Variants in ZNF475 observed in about 807,000 individuals in gnomAD.
ZNF475 encodes zinc finger protein 475.
At chr5:122,165,255 G>T in the ZNF475 span, among the ~76,000 whole-genome samples, 1 of 152,354 alleles carries the variant, frequency 6.6e-6, no homozygotes. Context: ...CAATGGAAAT[G>T]CAGTATCAAA....
At chr5:122,178,530 C>T in the ZNF475 span, among the ~76,000 whole-genome samples, 1 of 152,174 alleles carries the variant, frequency 6.6e-6, no homozygotes, top group Admixed American at 6.5e-5. Context: ...GCATAAATGT[C>T]TTCTTTTGAG....
At chr5:122,174,325 C>T in the ZNF475 span, among the ~76,000 whole-genome samples, 6 of 152,192 alleles carry the variant, frequency 3.9e-5, no homozygotes, top group Admixed American at 3.9e-4. Flanking sequence ...TTGGAGATTG[C>T]TCAGCTTTCC....
chr5:122,167,595 T>C, the ZNF475 span, among the ~76,000 whole-genome samples: 1 of 152,216 alleles, frequency 6.6e-6, no homozygotes, highest in African/African-American at 2.4e-5. Flanking sequence ...TGCATGAGCA[T>C]GGCAATGCAA....
the ZNF475 span, among the ~76,000 whole-genome samples, chr5:122,164,627 G>GGT: frequency 1.3e-5 from 2 of 152,162 alleles, no homozygotes; most frequent in Non-Finnish European, 2.9e-5. Flanking sequence ...ATCACCTGTG[G>GGT]GAGTCTCTGG....
At chr5:122,178,895 C>T in the ZNF475 span, among the ~76,000 whole-genome samples, 1 of 152,184 alleles carries the variant, frequency 6.6e-6, no homozygotes, top group African/African-American at 2.4e-5. Flanking sequence ...TTTCATCCAT[C>T]TTGACTTAAT....
chr5:122,160,539 G>A, the ZNF475 span, among the ~76,000 whole-genome samples: 1 of 152,148 alleles, frequency 6.6e-6, no homozygotes, highest in Admixed American at 6.5e-5. Flanking sequence ...TAGAGACACT[G>A]TGATAGATAC....
At chr5:122,173,008 C>G in the ZNF475 span, among the ~76,000 whole-genome samples, 1 of 151,364 alleles carries the variant, frequency 6.6e-6, no homozygotes, top group Non-Finnish European at 1.5e-5. Context: ...ACTCCAGCCT[C>G]GGCAACAGAG....
the ZNF475 span, chr5:122,160,203 C>T: frequency 7.8e-7 from 1 of 1,289,184 alleles, no homozygotes; most frequent in Admixed American, 2.3e-5. Flanking sequence ...ACCATGCCTG[C>T]ATATCAGGGC....
the ZNF475 span, among the ~76,000 whole-genome samples, chr5:122,182,013 A>T: frequency 6.6e-6 from 1 of 152,252 alleles, no homozygotes; most frequent in Non-Finnish European, 1.5e-5. Context: ...CTCAACTGTC[A>T]GTTTTGGCTT....
Sources: gnomAD v4.1 joint callset for allele counts (sites outside exome capture counted in the v4.1 genomes callset) on GRCh38, gnomAD v4.1.1 for gene constraint, MANE v1.5 for transcripts, NCBI Gene and HGNC (gene_info 2026-07-23, HGNC 2026-07-21) for gene names.